Variants in SNX18 observed in about 807,000 individuals in gnomAD.
SNX18 encodes sorting nexin-18.
A neutral mutation model predicts 48.7 loss-of-function variants in SNX18; 35 were observed. The observed-to-expected ratio is 0.72, with a 90% CI of 0.55 to 0.95. The LOEUF is 0.95. SNX18 is among the 40% of genes least tolerant of loss of function. SNX18 has a pLI of 0.00. For missense variants in SNX18, 824 were observed against 871.0 expected, an observed-to-expected ratio of 0.95 and a Z score of 0.68; for synonymous variants, 492 against 384.7, an observed-to-expected ratio of 1.28 and a Z score of -3.26.
the SNX18 span, among the ~76,000 whole-genome samples, chr5:54,571,558 C>T: frequency 8.5e-5 from 13 of 152,202 alleles, no homozygotes; most frequent in Non-Finnish European, 1.8e-4. Flanking sequence ...CGAATAGGGG[C>T]TCATTGAGGA....
At chr5:54,601,446 C>A in the SNX18 span, among the ~76,000 whole-genome samples, 1 of 152,184 alleles carries the variant, frequency 6.6e-6, no homozygotes, top group Non-Finnish European at 1.5e-5. Context: ...AGTGAGAGAG[C>A]ATGAGGAGAG....
At chr5:54,630,598 C>G in the SNX18 span, among the ~76,000 whole-genome samples, 1 of 152,066 alleles carries the variant, frequency 6.6e-6, no homozygotes, top group Admixed American at 6.6e-5. Flanking sequence ...CTTTGGGAAG[C>G]CAAGGTGGGT....
At chr5:54,632,177 G>A in the SNX18 span, among the ~76,000 whole-genome samples, 3 of 152,176 alleles carry the variant, frequency 2.0e-5, no homozygotes, top group Non-Finnish European at 2.9e-5. Context: ...GGGGTCCTGC[G>A]TTTCACCAGA....
At chr5:54,525,084 G>C (rs977450765) in intron 1 of SNX18, among the ~76,000 whole-genome samples, 1 of 152,246 alleles carries the variant, frequency 6.6e-6, no homozygotes, top group South Asian at 2.1e-4. Context: ...CAGTGTGTGG[G>C]CATGGAGGAG....
Position 54,518,394 on chromosome 5 carries a change from C to T in SNX18, c.442C>T (p.Gln148Ter). Residue 148 changes from glutamine to a stop codon, truncating the protein, a stop_gained, in exon 1 of 2, where the codon CAA becomes TAA. Transcript: ENST00000381410. LOFTEE classifies it high-confidence loss of function. ...GCTCTACGGCGGCTACCAGGCCAGC[C>T]AAGGCAGCGATGATGACTGGGACGA... ...QQLYGGYQAS[Q>*]GSDDDWDDEW... 1.9e-6 allele frequency: 3 copies of T among 1,581,650 alleles called. No individual in the cohort carries two copies. Among genetic ancestry groups the T allele is most frequent in the Non-Finnish European group, 2.6e-6 (3 of 1,164,982 alleles).
chr5:54,625,487 G>A, the SNX18 span, among the ~76,000 whole-genome samples: 1 of 152,174 alleles, frequency 6.6e-6, no homozygotes, highest in Non-Finnish European at 1.5e-5. Flanking sequence ...CCAAAGGGTA[G>A]TTCACAACAT....
the SNX18 span, among the ~76,000 whole-genome samples, chr5:54,561,814 C>G: frequency 4.6e-5 from 7 of 152,126 alleles, no homozygotes; most frequent in Non-Finnish European, 8.8e-5. Flanking sequence ...GGCCTTTTGA[C>G]TCTACTTTTA....
chr5:54,615,676 T>C, the SNX18 span, among the ~76,000 whole-genome samples: 1 of 152,220 alleles, frequency 6.6e-6, no homozygotes, highest in Non-Finnish European at 1.5e-5. Context: ...TTTAACCAAA[T>C]GTTTCTAGAC....
chr5:54,623,338 C>T, the SNX18 span, among the ~76,000 whole-genome samples: 1 of 152,138 alleles, frequency 6.6e-6, no homozygotes, highest in Non-Finnish European at 1.5e-5. Context: ...GGGAGATGAA[C>T]TAGTAAAACT....
the SNX18 span, chr5:54,643,441 T>G: frequency 6.6e-6 from 1 of 152,190 alleles, no homozygotes; most frequent in Admixed American, 6.6e-5. Flanking sequence ...ATTCATGGAT[T>G]ACCCTCCTCC....
chr5:54,547,699 A>C (rs754021892), downstream of SNX18, among the ~76,000 whole-genome samples: 1 of 152,210 alleles, frequency 6.6e-6, no homozygotes, highest in African/African-American at 2.4e-5. Flanking sequence ...CAGTATTGTT[A>C]TGAAGAGTGA....
At position 54,525,153 on chromosome 5, in the gene SNX18, ACTT is replaced by A. The variant is rs1465880297; in HGVS notation, c.1621+5582_1621+5584del. On this transcript the variant is annotated intron_variant, in intron 1 of 1. Transcript: ENST00000381410. ...CACTTATCTTTGGCCAAGTGGGGGC[ACTT>A]CCTCACGAGGTCAGCATGAGAATTA... Among the ~76,000 whole-genome samples, 4 of 152,236 alleles carry A rather than the reference ACTT, an allele frequency of 2.6e-5. No individual in the cohort carries two copies. The East Asian group carries it at 7.7e-4, about 29-fold the overall frequency.
the SNX18 span, among the ~76,000 whole-genome samples, chr5:54,561,589 C>G: frequency 1.3e-5 from 2 of 151,770 alleles, no homozygotes; most frequent in Admixed American, 6.6e-5. Context: ...ATCCTCTCTC[C>G]TTGGCCTCCC....
Position 54,518,033 on chromosome 5 carries a change from G to T in SNX18, c.81G>T (p.Leu27=), listed in dbSNP as rs377255105. Residue 27 remains leucine (L), a synonymous_variant, in exon 1 of 2, where the codon CTG becomes CTT. Transcript: ENST00000381410. ...GEISLREHEV[L]SLCSEQDIEG... ...TCTCGCTGCGAGAGCACGAGGTGCT[G>T]AGCCTGTGCAGCGAGCAGGACATCG... is the stretch of plus-strand genomic sequence containing the variant. The T allele has an allele frequency of 1.3e-6, 2 of 1,548,722 alleles. No homozygotes were observed. The highest frequency in any genetic ancestry group is 1.7e-6 in the Non-Finnish European group (2 of 1,151,332).
At chr5:54,622,655 T>C in the SNX18 span, among the ~76,000 whole-genome samples, 3 of 149,172 alleles carry the variant, frequency 2.0e-5, no homozygotes, top group East Asian at 5.8e-4. Flanking sequence ...AAATATAATA[T>C]AAAGAAATCT....
intron 1 of SNX18, among the ~76,000 whole-genome samples, chr5:54,524,555 C>T (rs1259258928): frequency 6.6e-6 from 1 of 152,200 alleles, no homozygotes; most frequent in Non-Finnish European, 1.5e-5. Flanking sequence ...TATGTTCCTT[C>T]TCTTTGGGCT....
At chr5:54,539,520 G>A (rs776067936) in intron 1 of SNX18, among the ~76,000 whole-genome samples, 11 of 152,124 alleles carry the variant, frequency 7.2e-5, no homozygotes, top group African/African-American at 2.4e-4. Context: ...AGCATTTTCC[G>A]TTGTCACATT....
At chr5:54,591,675 C>T in the SNX18 span, among the ~76,000 whole-genome samples, 1 of 152,212 alleles carries the variant, frequency 6.6e-6, no homozygotes, top group Admixed American at 6.5e-5. Context: ...ATCTTTTCTG[C>T]CCTTTCGAAG....
the SNX18 span, among the ~76,000 whole-genome samples, chr5:54,640,210 C>T: frequency 2.1e-5 from 3 of 146,250 alleles, no homozygotes; most frequent in Admixed American, 6.8e-5. Flanking sequence ...GAAATAGATT[C>T]TTTTTTTTTT....
Sources: allele counts gnomAD v4.1 joint callset (sites outside exome capture counted in the v4.1 genomes callset), GRCh38; gene constraint gnomAD v4.1.1; transcripts MANE v1.5; gene names NCBI Gene and HGNC (gene_info 2026-07-23, HGNC 2026-07-21).